NKAIN3: variants seen among roughly 807,000 people sequenced by gnomAD.
The protein encoded by NKAIN3 is sodium/potassium-transporting ATPase subunit beta-1-interacting protein 3.
In NKAIN3, 25 loss-of-function variants were observed where a neutral mutation model predicts 30.2. The observed-to-expected ratio is 0.83, with a 90% CI of 0.60 to 1.16. The LOEUF (loss-of-function observed/expected upper bound fraction) is 1.16. Among genes scored for constraint, NKAIN3 ranks in the 50% most tolerant of loss-of-function variants. The pLI, the probability that NKAIN3 is intolerant of heterozygous loss-of-function variation, is 0.00. For missense variants in NKAIN3, 225 were observed against 254.1 expected, an observed-to-expected ratio of 0.89 and a Z score of 0.78; for synonymous variants, 91 against 89.6, an observed-to-expected ratio of 1.02 and a Z score of -0.09.
chr8:62,541,210 A>G (rs1436219388), intron 1 of NKAIN3, among the ~76,000 whole-genome samples: 1 of 152,112 alleles, frequency 6.6e-6, no homozygotes, highest in African/African-American at 2.4e-5. Flanking sequence ...TCAGCTACTC[A>G]GTAGGCTGAG....
intron 1 of NKAIN3, among the ~76,000 whole-genome samples, chr8:62,410,886 C>CA (rs964783428): frequency 6.6e-5 from 10 of 151,820 alleles, no homozygotes; most frequent in African/African-American, 1.5e-4. Context: ...ACAACAACAA[C>CA]AAAAAAATCA....
intron 1 of NKAIN3, among the ~76,000 whole-genome samples, chr8:62,442,065 A>G (rs1371180201): frequency 6.6e-6 from 1 of 152,040 alleles, no homozygotes; most frequent in Non-Finnish European, 1.5e-5. Flanking sequence ...TCTATTGAAC[A>G]TGATATATTT....
At chr8:62,377,039 G>T (rs770063480) in intron 1 of NKAIN3, among the ~76,000 whole-genome samples, 2 of 152,238 alleles carry the variant, frequency 1.3e-5, no homozygotes, top group African/African-American at 4.8e-5. Context: ...AAGAAGTTCA[G>T]TGAAAAACTT....
chr8:62,676,922 T>C (rs1366905364), intron 3 of NKAIN3, among the ~76,000 whole-genome samples: 2 of 152,072 alleles, frequency 1.3e-5, no homozygotes, highest in South Asian at 2.1e-4. Flanking sequence ...TCTTGTCATA[T>C]TGCCCAGGCT....
At chr8:62,520,140 G>T (rs1014873142) in intron 1 of NKAIN3, among the ~76,000 whole-genome samples, 1 of 152,062 alleles carries the variant, frequency 6.6e-6, no homozygotes, top group African/African-American at 2.4e-5. Context: ...CTGGAGTTCT[G>T]GGACTATGTA....
At chr8:62,690,500 TG>T (rs779183121) in intron 3 of NKAIN3, among the ~76,000 whole-genome samples, 22 of 152,322 alleles carry the variant, frequency 1.4e-4, no homozygotes, top group Non-Finnish European at 2.6e-4. Context: ...ATGTACAATC[TG>T]GGAAGTTTTC....
intron 1 of NKAIN3, among the ~76,000 whole-genome samples, chr8:62,309,630 A>G (rs1814362731): frequency 6.7e-6 from 1 of 150,316 alleles, no homozygotes; most frequent in Non-Finnish European, 1.5e-5. Flanking sequence ...CCTCCAGAGA[A>G]TTCAGCTGTG....
At chr8:62,539,380 A>T (rs567175023) in intron 1 of NKAIN3, among the ~76,000 whole-genome samples, 1 of 152,334 alleles carries the variant, frequency 6.6e-6, no homozygotes, top group East Asian at 1.9e-4. Context: ...GTCCATTGTA[A>T]AACTGACAGA....
intron 1 of NKAIN3, among the ~76,000 whole-genome samples, chr8:62,364,641 C>A (rs1330559379): frequency 6.6e-6 from 1 of 151,794 alleles, no homozygotes. Flanking sequence ...AGGAGACCGA[C>A]ATTCTGGCTA....
At chr8:62,602,389 A>G (rs10096832) in intron 3 of NKAIN3, among the ~76,000 whole-genome samples, 13,368 of 152,132 alleles carry the variant, frequency 0.088, 613 homozygotes, top group East Asian at 0.15. Context: ...CCTGAGATCA[A>G]TATTTAAAGA....
intron 3 of NKAIN3, among the ~76,000 whole-genome samples, chr8:62,637,391 G>A (rs1812164274): frequency 6.6e-6 from 1 of 152,264 alleles, no homozygotes; most frequent in South Asian, 2.1e-4. Flanking sequence ...CTCTTTTCTG[G>A]CCCCGCAAGT....
chr8:62,698,962 C>A (rs1814248705), intron 3 of NKAIN3, among the ~76,000 whole-genome samples: 1 of 152,118 alleles, frequency 6.6e-6, no homozygotes, highest in Non-Finnish European at 1.5e-5. Context: ...AGAATAAGAA[C>A]AATTTAAGAT....
intron 3 of NKAIN3, among the ~76,000 whole-genome samples, chr8:62,611,414 T>C (rs1326126709): frequency 3.9e-5 from 6 of 152,154 alleles, no homozygotes; most frequent in Non-Finnish European, 8.8e-5. Flanking sequence ...TAAACTATTG[T>C]TTGTACTCAT....
chr8:62,700,336 G>A (rs532015058), intron 3 of NKAIN3, among the ~76,000 whole-genome samples: 2 of 152,316 alleles, frequency 1.3e-5, no homozygotes, highest in South Asian at 2.1e-4. Context: ...TGAAGACCAC[G>A]CAGATTCCAC....
At chr8:62,525,018 T>C (rs550631339) in intron 1 of NKAIN3, among the ~76,000 whole-genome samples, 7 of 152,076 alleles carry the variant, frequency 4.6e-5, no homozygotes, top group Non-Finnish European at 8.8e-5. Context: ...TTGAAGAGGC[T>C]ACTGTGGTAG....
At chr8:62,729,024 C>CAAAAAAAAAAAAA (rs71501600) in intron 3 of NKAIN3, among the ~76,000 whole-genome samples, 4 of 16,448 alleles carry the variant, frequency 2.4e-4, no homozygotes, top group African/African-American at 4.1e-4. Context: ...ACAAACAAAC[C>CAAAAAAAAAAAAA]AAAAAAAAAA....
chr8:62,299,494 A>G (rs1477006083), intron 1 of NKAIN3, among the ~76,000 whole-genome samples: 2 of 152,176 alleles, frequency 1.3e-5, no homozygotes, highest in African/African-American at 4.8e-5. Flanking sequence ...ATTTTGCTAT[A>G]GTGAGTGCTC....
chr8:62,291,333 G>A (rs1161828761), intron 1 of NKAIN3, among the ~76,000 whole-genome samples: 2 of 152,114 alleles, frequency 1.3e-5, no homozygotes, highest in African/African-American at 2.4e-5. Context: ...TGATGTTAGG[G>A]TGTCAATTTT....
At chr8:62,263,550 G>A (rs951238460) in intron 1 of NKAIN3, among the ~76,000 whole-genome samples, 3 of 152,234 alleles carry the variant, frequency 2.0e-5, no homozygotes, top group Admixed American at 6.5e-5. Context: ...CTGACCTCAT[G>A]GATGTATGGG....
Sources: allele counts gnomAD v4.1 joint callset (sites outside exome capture counted in the v4.1 genomes callset), GRCh38; gene constraint gnomAD v4.1.1; transcripts MANE v1.5; gene names NCBI Gene and HGNC (gene_info 2026-07-23, HGNC 2026-07-21).